Variants in ZNF704 observed in about 807,000 individuals in gnomAD.
ZNF704 encodes zinc finger protein 704, also known as glucocorticoid induced gene 1.
In ZNF704, 10 loss-of-function variants were observed where a neutral mutation model predicts 44.7. The ratio of observed to expected loss-of-function variants is 0.22; its 90% CI spans 0.14 to 0.38. The LOEUF (loss-of-function observed/expected upper bound fraction) is 0.38, where lower values mean the gene tolerates loss of function less well. Ranked by LOEUF, ZNF704 falls within the 10% of genes least tolerant of loss-of-function variation. The pLI, the probability that ZNF704 is intolerant of heterozygous loss-of-function variation, is 1.00. For synonymous variants in ZNF704, 211 were observed against 207.6 expected, an observed-to-expected ratio of 1.02 and a Z score of -0.14; for missense variants, 390 against 545.5, an observed-to-expected ratio of 0.71 and a Z score of 2.84.
upstream of ZNF704, among the ~76,000 whole-genome samples, chr8:80,878,951 T>C (rs1156248432): frequency 2.6e-5 from 4 of 152,186 alleles, no homozygotes; most frequent in Non-Finnish European, 5.9e-5. Flanking sequence ...TCATCTCATA[T>C]TGGCACTTGA....
intron 1 of ZNF704, among the ~76,000 whole-genome samples, chr8:80,863,920 C>A (rs74766807): frequency 0.013 from 1,991 of 152,190 alleles, 43 homozygotes; most frequent in African/African-American, 0.045. Context: ...GATATAAACA[C>A]CTTGTGAATT....
intron 7 of ZNF704, among the ~76,000 whole-genome samples, chr8:80,644,059 G>C (rs1054521267): frequency 6.6e-6 from 1 of 152,124 alleles, no homozygotes; most frequent in African/African-American, 2.4e-5. Context: ...GCCACCCACC[G>C]AACACTTACT....
chr8:80,725,879 T>C (rs1448947056), intron 2 of ZNF704, among the ~76,000 whole-genome samples: 1 of 152,166 alleles, frequency 6.6e-6, no homozygotes, highest in Non-Finnish European at 1.5e-5. Context: ...AGCTTAAAAG[T>C]AAAAGAAATT....
At chr8:80,664,474 T>C (rs1190333304) in intron 6 of ZNF704, among the ~76,000 whole-genome samples, 1 of 152,062 alleles carries the variant, frequency 6.6e-6, no homozygotes, top group Non-Finnish European at 1.5e-5. Flanking sequence ...TTTCACCATG[T>C]TGGTCAGGCT....
At chr8:80,860,344 G>A (rs1809038395) in intron 1 of ZNF704, among the ~76,000 whole-genome samples, 1 of 152,300 alleles carries the variant, frequency 6.6e-6, no homozygotes, top group South Asian at 2.1e-4. Context: ...AACACACTGG[G>A]TGATGTGTGC....
Position 80,687,572 on chromosome 8 carries a change from C to A in ZNF704, c.326-114G>T, listed in dbSNP as rs548748980. 2.9e-4 allele frequency: 203 copies of A among 710,188 alleles called. No homozygotes were observed. The African/African-American group carries it at 3.1e-3, about 11-fold the overall frequency. The allele number at this position is 710,188 out of a possible 1,614,324, so 44.0% of individuals were successfully genotyped here. On this transcript the variant is annotated intron_variant, in intron 3 of 8. Coordinates refer to ENST00000327835, the MANE Select transcript of ZNF704 (RefSeq NM_001033723.3). The stretch of plus-strand genomic sequence containing the variant: ...GTGAAACCACCCCAGCCCTCTCAAT[C>A]ATCTGCAACAGCTGGGTATGTAAGT...
Position 80,640,939 on chromosome 8 carries a change from G to C in ZNF704, c.*427C>G, listed in dbSNP as rs1247837435. ...AGTAAGTATTGATCTTTGTACAAATGCTACTGAATAACCTGTAGCTTGTTT... is the reference window on the plus strand; with the variant it reads ...AGTAAGTATTGATCTTTGTACAAATCCTACTGAATAACCTGTAGCTTGTTT... On this transcript the variant is annotated 3_prime_UTR_variant, in exon 9 of 9. Transcript: ENST00000327835. The C allele has an allele frequency of 6.4e-6, 1 of 155,742 alleles. No individual in the cohort carries two copies. Among genetic ancestry groups the C allele is most frequent in the African/African-American group, 2.4e-5 (1 of 41,484 alleles). The allele number at this position is 155,742 out of a possible 1,614,324, so 9.6% of individuals were successfully genotyped here.
At chr8:80,664,417 A>G (rs910567733) in intron 6 of ZNF704, among the ~76,000 whole-genome samples, 2 of 151,838 alleles carry the variant, frequency 1.3e-5, no homozygotes, top group Non-Finnish European at 2.9e-5. Context: ...GATTACAGGC[A>G]TGTGCCACCA....
chr8:80,793,268 G>C (rs1807742891), intron 2 of ZNF704, among the ~76,000 whole-genome samples: 1 of 152,190 alleles, frequency 6.6e-6, no homozygotes, highest in African/African-American at 2.4e-5. Flanking sequence ...GGGAGAAAAA[G>C]TGCGTGTGGA....
intron 2 of ZNF704, among the ~76,000 whole-genome samples, chr8:80,756,184 A>G (rs1807032081): frequency 6.6e-6 from 1 of 151,972 alleles, no homozygotes; most frequent in African/African-American, 2.4e-5. Flanking sequence ...TGCACCAGAA[A>G]CCCAAGTCTT....
At chr8:80,765,940 T>C (rs1241391416) in intron 2 of ZNF704, among the ~76,000 whole-genome samples, 3 of 152,162 alleles carry the variant, frequency 2.0e-5, no homozygotes, top group Non-Finnish European at 1.5e-5. Flanking sequence ...TACCAAGCAA[T>C]AATTCATTAG....
At chr8:80,817,854 CA>C (rs1808201914) in intron 2 of ZNF704, among the ~76,000 whole-genome samples, 1 of 152,164 alleles carries the variant, frequency 6.6e-6, no homozygotes, top group Non-Finnish European at 1.5e-5. Context: ...AATTTACCCC[CA>C]GTCCTAATGG....
chr8:80,838,854 C>A (rs369082280), intron 1 of ZNF704, among the ~76,000 whole-genome samples: 4 of 149,402 alleles, frequency 2.7e-5, no homozygotes, highest in South Asian at 4.3e-4. Flanking sequence ...AAGAGGGGAG[C>A]AGACCCCAGT....
chr8:80,838,814 G>A lies in ZNF704; in HGVS notation c.-21-17199C>T, dbSNP rs952242107. Among the ~76,000 whole-genome samples, 8 of 151,502 alleles carry A rather than the reference G, an allele frequency of 5.3e-5. No individual in the cohort carries two copies. The East Asian group carries it at 1.2e-3, about 22-fold the overall frequency. ...GGGAGCAGACCCTGGAGGAGAAAGG[G>A]GAAAGGAACAGGAGGCAGAGTGGAG... On this transcript the variant is annotated intron_variant, in intron 1 of 8. Transcript: ENST00000327835.
chr8:80,652,922 A>G (rs1817946950), intron 7 of ZNF704, among the ~76,000 whole-genome samples: 1 of 152,216 alleles, frequency 6.6e-6, no homozygotes, highest in South Asian at 2.1e-4. Flanking sequence ...ATCCTTAATA[A>G]AATACTGGCA....
intron 1 of ZNF704, among the ~76,000 whole-genome samples, chr8:80,848,424 A>G (rs1356426576): frequency 6.6e-6 from 1 of 152,202 alleles, no homozygotes; most frequent in Non-Finnish European, 1.5e-5. Flanking sequence ...ATCAATGTCG[A>G]TTTCCTGGTG....
intron 1 of ZNF704, among the ~76,000 whole-genome samples, chr8:80,838,057 C>T (rs991452829): frequency 6.6e-6 from 1 of 152,182 alleles, no homozygotes; most frequent in African/African-American, 2.4e-5. Flanking sequence ...ACCCTCATCT[C>T]CCCAGAGCCC....
At chr8:80,751,470 G>A (rs1806942567) in intron 2 of ZNF704, among the ~76,000 whole-genome samples, 1 of 152,128 alleles carries the variant, frequency 6.6e-6, no homozygotes, top group African/African-American at 2.4e-5. Flanking sequence ...GGCAAGCACT[G>A]TTTCAGGTGC....
intron 1 of ZNF704, among the ~76,000 whole-genome samples, chr8:80,866,014 T>C (rs1039804685): frequency 6.6e-6 from 1 of 152,196 alleles, no homozygotes; most frequent in African/African-American, 2.4e-5. Flanking sequence ...TATATCAGAC[T>C]TATATTCTGT....
Sources: allele counts gnomAD v4.1 joint callset (sites outside exome capture counted in the v4.1 genomes callset), GRCh38; gene constraint gnomAD v4.1.1; transcripts MANE v1.5; gene names NCBI Gene and HGNC (gene_info 2026-07-23, HGNC 2026-07-21).